Variants in VWA5B2 observed in about 807,000 individuals in gnomAD.
VWA5B2 encodes the protein von Willebrand factor A domain containing 5B2, also known as von Willebrand factor A domain-containing protein 5B2.
VWA5B2 carries 93 observed loss-of-function variants against 118.5 expected under a neutral mutation model. The observed-to-expected ratio is 0.79, with a 90% confidence interval of 0.66 to 0.93. The LOEUF is 0.93. Among genes scored for constraint, VWA5B2 ranks in the 40% least tolerant of loss-of-function variants. VWA5B2 has a pLI of 0.00. For missense variants in VWA5B2, 1,546 were observed against 1,672.8 expected (o/e 0.92, Z 1.32); for synonymous variants, 708 against 716.3 (o/e 0.99, Z 0.19).
chr3:184,239,358 A>C lies in VWA5B2; in HGVS notation c.2203-36A>C. The C allele has an allele frequency of 2.0e-6, 3 of 1,497,414 alleles. No homozygotes were observed. The South Asian group carries it at 3.8e-5, about 19-fold the overall frequency. The allele number at this position is 1,497,414 out of a possible 1,614,324, so 92.8% of individuals were successfully genotyped here. A position where few individuals can be genotyped will look rare whatever the true frequency, so the allele number is the denominator to read the frequency against. On this transcript the variant is annotated intron_variant, in intron 14 of 19. Coordinates refer to ENST00000691901, the MANE Select transcript of VWA5B2 (RefSeq NM_001390846.1). This position sits in a 1 kb window ranked among gnomAD's most constrained non-coding sequence, Gnocchi z 5.1. ...CATGTATGATGGTCAAGGGTTCTGC[A>C]TTCCTTGACCAGTGGCCCCCATATC...
At chr3:184,230,033 C>A (rs1717207030) in intron 1 of VWA5B2, among the ~76,000 whole-genome samples, 1 of 152,228 alleles carries the variant, frequency 6.6e-6, no homozygotes, top group Non-Finnish European at 1.5e-5. Flanking sequence ...CACCCTGCCC[C>A]CGCGATCCCT....
In VWA5B2 at chr3:184,237,298, A is replaced by G. The variant is rs1718099317; in HGVS notation, c.1606A>G (p.Thr536Ala). ...DISVDWFVPD[T>A]VEALLTPREI... ...CTCTGTGGACTGGTTTGTGCCCGAC[A>G]CTGTGGAGGCACTGCTGACCCCCCG... is the stretch of plus-strand genomic sequence containing the variant. Residue 536 changes from threonine to alanine, a missense_variant, in exon 12 of 20, where the codon ACT (threonine) becomes GCT (alanine). This residue lies in a region of VWA5B2 where 775 missense variants were observed against 882.3 expected (regional missense o/e 0.88). Transcript: ENST00000691901. The surrounding 1 kb of genome is among the most constrained non-coding windows in gnomAD (Gnocchi z 5.6). 3 of 1,551,556 alleles carry G rather than the reference A, an allele frequency of 1.9e-6. No individual in the cohort carries two copies. The highest frequency in any genetic ancestry group is 1.7e-6 in the Non-Finnish European group (2 of 1,147,014).
At position 184,241,768 on chromosome 3, in the gene VWA5B2, G is replaced by A; in HGVS notation, c.3459G>A (p.Gly1153=). The stretch of plus-strand genomic sequence containing the variant: ...GCTCAGACACCGAGGCCTCCGAGGG[G>A]GCGGAAGGGCTGGGCGGCACCGACC... ...GRGSDTEASE[G]AEGLGGTDLR... Residue 1153 remains glycine, a synonymous_variant, in exon 20 of 20, where the codon GGG becomes GGA. Coordinates refer to ENST00000691901, the MANE Select transcript of VWA5B2 (RefSeq NM_001390846.1). This position sits in a 1 kb window ranked among gnomAD's most constrained non-coding sequence, Gnocchi z 5.1. 6.7e-7 allele frequency: 1 copy of A among 1,485,118 alleles called. No homozygotes were observed. The highest frequency in any genetic ancestry group is 1.4e-5 in the African/African-American group (1 of 71,954). The allele number at this position is 1,485,118 out of a possible 1,614,324, so 92.0% of individuals were successfully genotyped here.
In VWA5B2 at chr3:184,241,433, C is replaced by T; in HGVS notation, c.3180+29C>T. On this transcript the variant is annotated intron_variant, in intron 19 of 19. Coordinates refer to ENST00000691901, the MANE Select transcript of VWA5B2 (RefSeq NM_001390846.1). This position sits in a 1 kb window ranked among gnomAD's most constrained non-coding sequence, Gnocchi z 5.1. Reference sequence around the variant, plus strand: ...AGGACTCGGGAGGTGGAGGGTGGTGCCGCCGGGGCCGGGCGCTGTTTCAGC... The same window carrying T: ...AGGACTCGGGAGGTGGAGGGTGGTGTCGCCGGGGCCGGGCGCTGTTTCAGC... 1 of 1,570,010 alleles carries T rather than the reference C, an allele frequency of 6.4e-7. No homozygotes were observed. The highest frequency in any genetic ancestry group is 8.6e-7 in the Non-Finnish European group (1 of 1,156,348).
In VWA5B2 at chr3:184,240,871, G is replaced by A. The variant is rs1397887342; in HGVS notation, c.2821G>A (p.Ala941Thr). The A allele has an allele frequency of 6.4e-7, 1 of 1,551,572 alleles. No individual in the cohort carries two copies. Among genetic ancestry groups the A allele is most frequent in the African/African-American group, 1.4e-5 (1 of 73,038 alleles). ...CCCCTCCTGCTTCACTTGCCCTGTA[G>A]CTGTGGATGCTACTACTAGGGAGGT... is the stretch of plus-strand genomic sequence containing the variant. ...SAPSCFTCPV[A>T]VDATTREVLP... is the part of the protein sequence containing the mutation. Residue 941 changes from alanine (A) to threonine (T), a missense_variant, in exon 17 of 20, where the codon GCT (alanine) becomes ACT (threonine). By Grantham distance (58) the Ala-to-Thr change is moderately conservative. Coordinates refer to ENST00000691901, the MANE Select transcript of VWA5B2 (RefSeq NM_001390846.1).
intron 7 of VWA5B2, 195 bp downstream of exon 7, chr3:184,234,950 G>A: frequency 9.3e-7 from 1 of 1,079,388 alleles, no homozygotes; most frequent in Non-Finnish European, 1.3e-6. Context: ...TCTCTGGGGT[G>A]TGTCTCAGAG....
Position 184,237,546 on chromosome 3 carries a change from CT to C in VWA5B2, c.1719+136del. 1 of 962,202 alleles carries C rather than the reference CT, an allele frequency of 1.0e-6. No individual in the cohort carries two copies. 59.6% of individuals were successfully genotyped at this position (962,202 alleles called of 1,614,324 possible). A position where few individuals can be genotyped will look rare whatever the true frequency, so the allele number is the denominator to read the frequency against. ...CTCTACCAAGCTTCTCTACTATCCCCTAGGACTCCACAGAGATCACACTGGG... is the reference window on the plus strand; with the variant it reads ...CTCTACCAAGCTTCTCTACTATCCCCAGGACTCCACAGAGATCACACTGGG... On this transcript the variant is annotated intron_variant, in intron 12 of 19. Transcript: ENST00000691901. This position sits in a 1 kb window ranked among gnomAD's most constrained non-coding sequence, Gnocchi z 5.6.
chr3:184,229,779 G>A (rs1369292515), intron 1 of VWA5B2, among the ~76,000 whole-genome samples, 66 bp downstream of exon 1: 1 of 152,166 alleles, frequency 6.6e-6, no homozygotes, highest in Non-Finnish European at 1.5e-5. Context: ...TCCCCTGCGC[G>A]GGCCGCGGCC....
In VWA5B2 at chr3:184,236,625, T is replaced by C. The variant is rs746335316; in HGVS notation, c.1422-13T>C. On this transcript the variant is annotated splice_polypyrimidine_tract_variant and intron_variant, in intron 10 of 19. Transcript: ENST00000691901. ...GCTCCTGAAGATCACAGCTGCTTCC[T>C]TTCCTTCATCAGATGCTTCTCCTTT... 1 of 1,550,120 alleles carries C rather than the reference T, an allele frequency of 6.5e-7. No homozygotes were observed. The highest frequency in any genetic ancestry group is 1.2e-5 in the South Asian group (1 of 83,962).
Position 184,241,384 on chromosome 3 carries a change from G to A in VWA5B2, c.3160G>A (p.Asp1054Asn), listed in dbSNP as rs922476945. 11 of 1,575,694 alleles carry A rather than the reference G, an allele frequency of 7.0e-6. No homozygotes were observed. Among genetic ancestry groups the A allele is most frequent in the Non-Finnish European group, 9.5e-6 (11 of 1,160,388 alleles). The change falls in exon 19 of 20, where the codon GAC becomes AAC. Residue 1054 changes from aspartate to asparagine, a missense_variant. By Grantham distance (23) the Asp-to-Asn change is conservative (BLOSUM62 1). Around this residue, in one of 3 missense-constraint regions of VWA5B2, gnomAD observed 763 missense variants for 766.6 expected, o/e 1.00. Coordinates refer to ENST00000691901, the MANE Select transcript of VWA5B2 (RefSeq NM_001390846.1). The surrounding 1 kb of genome is among the most constrained non-coding windows in gnomAD (Gnocchi z 5.1). ...PGQANNSEGS[D>N]HDYLPLVRLQ... ...CCAGGCCAACAACAGTGAAGGCAGC[G>A]ACCATGACTACCTGCCCTTGGTGAG...
intron 3 of VWA5B2, 49 bp downstream of exon 3, chr3:184,230,966 C>A: frequency 1.7e-6 from 2 of 1,207,484 alleles, no homozygotes; most frequent in South Asian, 4.2e-5. Flanking sequence ...GGGCGCAGCT[C>A]AGGCTCCCGC....
In VWA5B2 at chr3:184,233,046, T is replaced by G. The variant is rs1717555345; in HGVS notation, c.311-132T>G. 1.4e-6 allele frequency: 1 copy of G among 719,032 alleles called. No individual in the cohort carries two copies. Among genetic ancestry groups the G allele is most frequent in the Non-Finnish European group, 2.3e-6 (1 of 428,788 alleles). The allele number at this position is 719,032 out of a possible 1,614,324, so 44.5% of individuals were successfully genotyped here. ...TCATGCCTCCATCCTGCGTCACCAA[T>G]GCATTAGCCTAGTGCCAACACGCAA... On this transcript the variant is annotated intron_variant, in intron 3 of 19. Coordinates refer to ENST00000691901, the MANE Select transcript of VWA5B2 (RefSeq NM_001390846.1). This position sits in a 1 kb window ranked among gnomAD's most constrained non-coding sequence, Gnocchi z 5.2.
At chr3:184,230,703 T>A in intron 2 of VWA5B2, 36 bp downstream of exon 2, 11 of 1,224,190 alleles carry the variant, frequency 9.0e-6, no homozygotes, top group Non-Finnish European at 1.1e-5. Context: ...CGGCGGGGGG[T>A]GCGCCGGGCA....
rs1358959417 is a variant in VWA5B2 at position 184,237,364 on chromosome 3, T to C, written c.1672T>C (p.Tyr558His). ...CTACCCTGGGGACCAGCTGCTCGGT[T>C]ACTGCTCACTCTTCAGGGTGGATGG... is the stretch of plus-strand genomic sequence containing the variant. ...ALYPGDQLLGYCSLFRVDGFR... is the reference protein window; with the variant it reads ...ALYPGDQLLGHCSLFRVDGFR... The change falls in exon 12 of 20, where the codon TAC becomes CAC. Residue 558 changes from tyrosine to histidine, a missense_variant. By Grantham distance (83) the Tyr-to-His change is moderately conservative. This residue lies in a region of VWA5B2 where 775 missense variants were observed against 882.3 expected (regional missense o/e 0.88). Transcript: ENST00000691901. The surrounding 1 kb of genome is among the most constrained non-coding windows in gnomAD (Gnocchi z 5.6). The C allele has an allele frequency of 3.2e-6, 5 of 1,551,064 alleles. No homozygotes were observed. Among genetic ancestry groups the C allele is most frequent in the African/African-American group, 1.4e-5 (1 of 72,974 alleles).
rs73887403 is a variant in VWA5B2, at chr3:184,237,273, C to A, written c.1581C>A (p.Ile527=). The A allele has an allele frequency of 4.5e-4, 702 of 1,551,726 alleles. 5 individuals carry two copies. The African/African-American group carries it at 8.6e-3, about 19-fold the overall frequency. ...CACTGGAGCCTGCTTTGAGTGACATCTCTGTGGACTGGTTTGTGCCCGACA... is the reference window on the plus strand; with the variant it reads ...CACTGGAGCCTGCTTTGAGTGACATATCTGTGGACTGGTTTGTGCCCGACA... ...RKALEPALSD[I]SVDWFVPDTV... is the part of the protein sequence containing the mutation. Residue 527 remains isoleucine, a synonymous_variant, in exon 12 of 20, where the codon ATC becomes ATA. Transcript: ENST00000691901. The surrounding 1 kb of genome is among the most constrained non-coding windows in gnomAD (Gnocchi z 5.6).
At position 184,238,576 on chromosome 3, in the gene VWA5B2, G is replaced by C. The variant is rs1216575437; in HGVS notation, c.1905G>C (p.Leu635=). 6.5e-7 allele frequency: 1 copy of C among 1,549,518 alleles called. No homozygotes were observed. Among genetic ancestry groups the C allele is most frequent in the Non-Finnish European group, 8.7e-7 (1 of 1,145,398 alleles). ...GCCTCCCAGCAGGTACTGATGCTCTGACAGACCCAGTCACGGATCCTGGAC... is the reference window on the plus strand; with the variant it reads ...GCCTCCCAGCAGGTACTGATGCTCTCACAGACCCAGTCACGGATCCTGGAC... ...ARDSEQSTDA[L]TDPVTDPGPN... The change falls in exon 14 of 20, where the codon CTG becomes CTC. Residue 635 remains leucine (L), a synonymous_variant. Transcript: ENST00000691901. The surrounding 1 kb of genome is among the most constrained non-coding windows in gnomAD (Gnocchi z 5.0).
rs939433655 is a variant in VWA5B2, at chr3:184,229,708, G to A, written c.-155G>A. Among the ~76,000 whole-genome samples the A allele has an allele frequency of 2.0e-5, 3 of 152,138 alleles. No homozygotes were observed. Among genetic ancestry groups the A allele is most frequent in the Admixed American group, 1.3e-4 (2 of 15,292 alleles). ...GGGCACCTAGAACTCCGCGGAGGGC[G>A]CGACGGTGAGGCTGAGACTGCCACA... On this transcript the variant is annotated 5_prime_UTR_variant, in exon 1 of 20. Transcript: ENST00000691901.
rs1392232966 is a variant in VWA5B2, at chr3:184,241,158, C to G, written c.2963-29C>G. Reference sequence around the variant, plus strand: ...TAGGGGCACTTGGGCTTAGAGACCGCCCCCTGGCACTGATGATCCCCACTG... The same window carrying G: ...TAGGGGCACTTGGGCTTAGAGACCGGCCCCTGGCACTGATGATCCCCACTG... On this transcript the variant is annotated intron_variant, in intron 18 of 19. Coordinates refer to ENST00000691901, the MANE Select transcript of VWA5B2 (RefSeq NM_001390846.1). This position sits in a 1 kb window ranked among gnomAD's most constrained non-coding sequence, Gnocchi z 5.1. 1 of 1,551,086 alleles carries G rather than the reference C, an allele frequency of 6.4e-7. No homozygotes were observed. The highest frequency in any genetic ancestry group is 2.0e-5 in the Admixed American group (1 of 50,974).
rs1717581827 is a variant in VWA5B2, at chr3:184,233,266, C to T, written c.399C>T (p.Thr133=). The change falls in exon 4 of 20, where the codon ACC becomes ACT. Residue 133 remains threonine (T), a synonymous_variant. Coordinates refer to ENST00000691901, the MANE Select transcript of VWA5B2 (RefSeq NM_001390846.1). This position sits in a 1 kb window ranked among gnomAD's most constrained non-coding sequence, Gnocchi z 5.2. ...IIAAAGTMTV[T]LHSSRELPSR... ...CCGCGGCTGGCACCATGACGGTGAC[C>T]CTGCACAGCAGCCGGGAGCTGCCCT... 1.3e-6 allele frequency: 2 copies of T among 1,548,020 alleles called. No homozygotes were observed. Among genetic ancestry groups the T allele is most frequent in the South Asian group, 1.2e-5 (1 of 83,492 alleles).
Sources: gnomAD v4.1 joint callset for allele counts (sites outside exome capture counted in the v4.1 genomes callset) on GRCh38, gnomAD v4.1.1 for gene constraint, gnomAD v4.1.1 regional missense constraint, Gnocchi (gnomAD v3.1) non-coding constraint, MANE v1.5 for transcripts, NCBI Gene and HGNC (gene_info 2026-07-23, HGNC 2026-07-21) for gene names.